The following CEP128 variants were observed in gnomAD, a reference collection of about 807,000 sequenced individuals.
CEP128 encodes the protein centrosomal protein 128kDa.
Under a neutral mutation model 156.7 loss-of-function variants are expected in CEP128, and 132 were observed. The ratio of observed to expected loss-of-function variants is 0.84; its 90% CI spans 0.73 to 0.97. The LOEUF (loss-of-function observed/expected upper bound fraction) is 0.97, where lower values mean the gene tolerates loss of function less well. CEP128 is among the 50% of genes least tolerant of loss of function. The probability of loss-of-function intolerance (pLI) is 0.00; values close to 1 mark genes in which losing one functional copy is unlikely to be tolerated. For missense variants in CEP128, 1,252 were observed against 1,281.9 expected (o/e 0.98, Z 0.36); for synonymous variants, 469 against 448.9 (o/e 1.04, Z -0.57).
rs376002974 is a variant in CEP128 at position 80,904,889 on chromosome 14, C to T, written c.404G>A (p.Gly135Glu). ...CATTCGTTTAATACCCTGTGGATCC[C>T]CATAGTCCTTGAGAGGTGAGGTAGG... ...FPPTSPLKDYGDPQGIKRMRS... is the reference protein window; with the variant it reads ...FPPTSPLKDYEDPQGIKRMRS... Residue 135 changes from glycine (G) to glutamate (E), a missense_variant, in exon 6 of 25, where the codon GGG becomes GAG. Physicochemically the swap from Gly to Glu is moderately conservative, Grantham distance 98 (BLOSUM62 -2). Coordinates refer to ENST00000555265, the MANE Select transcript of CEP128 (RefSeq NM_152446.5). 6.7e-5 allele frequency: 108 copies of T among 1,612,090 alleles called. No homozygotes were observed. The highest frequency in any genetic ancestry group is 8.7e-5 in the Non-Finnish European group (102 of 1,178,350).
intron 16 of CEP128, among the ~76,000 whole-genome samples, chr14:80,769,685 T>C (rs960316556): frequency 6.6e-6 from 1 of 152,222 alleles, no homozygotes; most frequent in African/African-American, 2.4e-5. Flanking sequence ...AGAATATTTT[T>C]TAAACTTAAA....
chr14:80,816,648 A>G (rs570097152), intron 13 of CEP128, among the ~76,000 whole-genome samples: 1 of 152,288 alleles, frequency 6.6e-6, no homozygotes, highest in South Asian at 2.1e-4. Context: ...CCTTATGAAC[A>G]GAGAGTTCAA....
chr14:80,658,798 T>A (rs1001874793), intron 19 of CEP128, among the ~76,000 whole-genome samples: 1 of 152,150 alleles, frequency 6.6e-6, no homozygotes. Flanking sequence ...TCAGTGCTAT[T>A]TTGAGAAGGG....
Position 80,777,663 on chromosome 14 carries a change from T to C in CEP128, c.2376+219A>G, listed in dbSNP as rs541097469. Among the ~76,000 whole-genome samples, 10 of 152,284 alleles carry C rather than the reference T, an allele frequency of 6.6e-5. No individual in the cohort carries two copies. The South Asian group carries it at 1.7e-3, about 25-fold the overall frequency. On this transcript the variant is annotated intron_variant, in intron 16 of 24. Coordinates refer to ENST00000555265, the MANE Select transcript of CEP128 (RefSeq NM_152446.5). ...AATTTCTATTTTAAGACAGAAAAAA[T>C]TTAAAATCAAATTCTTACCCTTCAA...
intron 19 of CEP128, among the ~76,000 whole-genome samples, chr14:80,642,761 T>C (rs1000835310): frequency 1.3e-4 from 18 of 142,732 alleles, no homozygotes; most frequent in Middle Eastern, 3.6e-3. Context: ...CTTGACCCCC[T>C]TTTTTTTTTT....
intron 8 of CEP128, among the ~76,000 whole-genome samples, chr14:80,874,360 A>C (rs1192037780): frequency 6.6e-6 from 1 of 151,886 alleles, no homozygotes; most frequent in Non-Finnish European, 1.5e-5. Context: ...GTTACTCAGG[A>C]GGCTGACGCA....
intron 6 of CEP128, among the ~76,000 whole-genome samples, chr14:80,904,328 A>T (rs113916518): frequency 2.0e-5 from 3 of 151,998 alleles, no homozygotes; most frequent in Non-Finnish European, 2.9e-5. Context: ...TGGTTACCAG[A>T]GGGTGGCGGG....
chr14:80,931,812 T>A (rs905244354), intron 2 of CEP128, among the ~76,000 whole-genome samples: 40 of 152,242 alleles, frequency 2.6e-4, no homozygotes, highest in African/African-American at 9.4e-4. Flanking sequence ...TTTCAAATAT[T>A]AGCAGAGATT....
intron 14 of CEP128, among the ~76,000 whole-genome samples, chr14:80,483,144 T>C (rs1420402007): frequency 1.3e-5 from 2 of 152,184 alleles, no homozygotes; most frequent in African/African-American, 4.8e-5. Flanking sequence ...CCACCTTCCC[T>C]AAAAACCCAC....
At chr14:80,743,393 T>C in intron 18 of CEP128, 126 bp from the exon 19 acceptor site, 1 of 694,790 alleles carries the variant, frequency 1.4e-6, no homozygotes, top group Non-Finnish European at 2.4e-6. Context: ...TTTTGCAAAA[T>C]TTTAAAATAT....
chr14:80,831,096 G>A (rs1885766924), intron 13 of CEP128, 47 bp downstream of exon 13: 1 of 1,542,908 alleles, frequency 6.5e-7, no homozygotes, highest in South Asian at 1.1e-5. Flanking sequence ...AATTCCATGA[G>A]ATAAAATTAA....
intron 15 of CEP128, among the ~76,000 whole-genome samples, chr14:80,779,199 AAT>A (rs1283147127): frequency 2.0e-5 from 3 of 152,332 alleles, no homozygotes; most frequent in East Asian, 1.9e-4. Flanking sequence ...TAATGCCTAA[AAT>A]ATATGTTTCT....
chr14:80,773,640 T>C (rs951374784), intron 16 of CEP128, among the ~76,000 whole-genome samples: 1 of 152,178 alleles, frequency 6.6e-6, no homozygotes, highest in Non-Finnish European at 1.5e-5. Flanking sequence ...ATTTAAAACC[T>C]TCATTACGTA....
chr14:80,482,007 T>C (rs541566492), intron 14 of CEP128, among the ~76,000 whole-genome samples: 121 of 152,384 alleles, frequency 7.9e-4, no homozygotes, highest in African/African-American at 2.9e-3. Context: ...CTGTACCTTG[T>C]CAAGGGACAA....
chr14:80,803,301 T>C (rs1046124522), intron 13 of CEP128, among the ~76,000 whole-genome samples: 1 of 151,250 alleles, frequency 6.6e-6, no homozygotes, highest in African/African-American at 2.4e-5. Context: ...TGCCTTTATC[T>C]GATTTTATGG....
intron 20 of CEP128, among the ~76,000 whole-genome samples, chr14:80,580,003 T>C (rs903065983): frequency 1.3e-5 from 2 of 152,242 alleles, no homozygotes; most frequent in Non-Finnish European, 2.9e-5. Context: ...ATGACACCCA[T>C]GGGGTCAGAA....
At chr14:80,639,878 C>A (rs907695280) in intron 19 of CEP128, among the ~76,000 whole-genome samples, 1 of 152,058 alleles carries the variant, frequency 6.6e-6, no homozygotes, top group Admixed American at 6.6e-5. Context: ...GAACAAACAA[C>A]CAAGTTAAAC....
chr14:80,597,863 T>C (rs957584030), intron 19 of CEP128, among the ~76,000 whole-genome samples: 8 of 139,382 alleles, frequency 5.7e-5, no homozygotes, highest in African/African-American at 2.2e-4. Flanking sequence ...TATCAATCAA[T>C]GAATAACAAG....
chr14:80,882,987 C>A (rs935406576), intron 8 of CEP128, among the ~76,000 whole-genome samples: 1 of 151,878 alleles, frequency 6.6e-6, no homozygotes, highest in African/African-American at 2.4e-5. Context: ...TTTGATAGCA[C>A]AAAAAGGTGA....
Sources: gnomAD v4.1 joint callset for allele counts (sites outside exome capture counted in the v4.1 genomes callset) on GRCh38, gnomAD v4.1.1 for gene constraint, MANE v1.5 for transcripts, NCBI Gene and HGNC (gene_info 2026-07-23, HGNC 2026-07-21) for gene names.